The following TXNL4A variants were observed in gnomAD, a reference collection of about 807,000 sequenced individuals.
The protein encoded by TXNL4A is thioredoxin like 4A.
In TXNL4A, 17 loss-of-function variants were observed where a neutral mutation model predicts 14.6. The ratio of observed to expected loss-of-function variants is 1.16; its 90% CI spans 0.80 to 1.74. The LOEUF (loss-of-function observed/expected upper bound fraction) is 1.74, where lower values mean the gene tolerates loss of function less well. Ranked by LOEUF, TXNL4A falls within the 40% of genes most tolerant of loss-of-function variation. The pLI is 0.00. For missense variants in TXNL4A, 74 were observed against 195.2 expected, an observed-to-expected ratio of 0.38 and a Z score of 3.70; for synonymous variants, 83 against 70.6, an observed-to-expected ratio of 1.18 and a Z score of -0.88.
chr18:80,033,292 C>T (rs2051937540), intron 1 of TXNL4A, among the ~76,000 whole-genome samples: 1 of 64,068 alleles, frequency 1.6e-5, no homozygotes, highest in East Asian at 1.1e-3. Flanking sequence ...TCCACACGCG[C>T]CCACACACAC....
intron 1 of TXNL4A, among the ~76,000 whole-genome samples, chr18:80,033,383 G>C (rs928935349): frequency 2.0e-5 from 3 of 152,104 alleles, no homozygotes; most frequent in African/African-American, 7.2e-5. Context: ...CTGCGGTCGC[G>C]CTCACTTCTC....
intron 1 of TXNL4A, among the ~76,000 whole-genome samples, chr18:80,026,251 G>C (rs1032106086): frequency 6.6e-6 from 1 of 152,192 alleles, no homozygotes; most frequent in Non-Finnish European, 1.5e-5. Flanking sequence ...CTGGAGTTAT[G>C]CATGTACAGC....
chr18:80,018,930 G>A (rs941985600), intron 1 of TXNL4A, among the ~76,000 whole-genome samples: 1 of 152,194 alleles, frequency 6.6e-6, no homozygotes, highest in Non-Finnish European at 1.5e-5. Flanking sequence ...CTTTGCTCCA[G>A]TTCCCAACAA....
At chr18:79,975,408 C>T (rs1176222668) in intron 2 of TXNL4A, among the ~76,000 whole-genome samples, 1 of 152,228 alleles carries the variant, frequency 6.6e-6, no homozygotes. Context: ...TTTCTGAGTA[C>T]AGCATCAGTC....
At chr18:79,994,845 CT>C in intron 1 of TXNL4A, 1 of 152,422 alleles carries the variant, frequency 6.6e-6, no homozygotes, top group Non-Finnish European at 1.5e-5. Context: ...CTCTCCCGTC[CT>C]TTTCCTTCAG....
At position 79,973,718 on chromosome 18, in the gene TXNL4A, G is replaced by A. The variant is rs1441502790; in HGVS notation, c.396C>T (p.Ser132=). The A allele has an allele frequency of 6.2e-7, 1 of 1,614,020 alleles. No individual in the cohort carries two copies. Among genetic ancestry groups the A allele is most frequent in the Non-Finnish European group, 8.5e-7 (1 of 1,180,036 alleles). ...GGTACTTGGTGGAGTAGTCCTTGGG[G>A]GACACCACCAGGCCGCGGCCTTTGC... The part of the protein sequence containing the change: ...GARKGRGLVV[S]PKDYSTKYRY The change falls in exon 3 of 3, where the codon TCC becomes TCT. Residue 132 remains serine (S), a synonymous_variant. Coordinates refer to ENST00000269601, the MANE Select transcript of TXNL4A (RefSeq NM_006701.5).
intron 1 of TXNL4A, 67 bp downstream of exon 1, chr18:79,988,173 G>C (rs535257779): frequency 6.6e-6 from 9 of 1,363,388 alleles, no homozygotes; most frequent in East Asian, 5.7e-5. Flanking sequence ...AGGCGACGCC[G>C]GCAGGGCAGA....
intron 1 of TXNL4A, among the ~76,000 whole-genome samples, chr18:79,996,125 A>AAAC (rs2051660744): frequency 6.6e-6 from 1 of 150,794 alleles, no homozygotes; most frequent in Admixed American, 6.6e-5. Context: ...AAAAAAAAAA[A>AAAC]AACGGCCAGG....
intron 1 of TXNL4A, among the ~76,000 whole-genome samples, chr18:80,008,232 T>C (rs2051745707): frequency 6.6e-6 from 1 of 152,210 alleles, no homozygotes; most frequent in African/African-American, 2.4e-5. Context: ...ATCCAAATTG[T>C]TTTTCAGATG....
chr18:79,986,438 A>G (rs2051549315), intron 1 of TXNL4A, among the ~76,000 whole-genome samples: 1 of 125,628 alleles, frequency 8.0e-6, no homozygotes, highest in African/African-American at 2.5e-5. Flanking sequence ...CTATTTTAAA[A>G]GACCAAAAAA....
chr18:79,972,675 G>T lies in TXNL4A; in HGVS notation c.*1010C>A, dbSNP rs1226846905. On this transcript the variant is annotated 3_prime_UTR_variant, in exon 3 of 3. Coordinates refer to ENST00000269601, the MANE Select transcript of TXNL4A (RefSeq NM_006701.5). The stretch of plus-strand genomic sequence containing the variant: ...AGACGGGATTTCACCATGTTGGCCA[G>T]GCTGGTCTCGAACACCTGACTTCGT... The T allele has an allele frequency of 6.6e-6, 1 of 152,180 alleles. No individual in the cohort carries two copies. Among genetic ancestry groups the T allele is most frequent in the Non-Finnish European group, 1.5e-5 (1 of 68,058 alleles). 9.4% of individuals were successfully genotyped at this position (152,180 alleles called of 1,614,324 possible).
chr18:79,977,078 A>G (rs1187881342), intron 2 of TXNL4A, among the ~76,000 whole-genome samples: 1 of 152,072 alleles, frequency 6.6e-6, no homozygotes, highest in Non-Finnish European at 1.5e-5. Context: ...CTCCTGCCTC[A>G]GCCTCCCAGT....
chr18:79,999,427 T>G (rs552720147), intron 1 of TXNL4A, among the ~76,000 whole-genome samples: 8 of 151,510 alleles, frequency 5.3e-5, no homozygotes, highest in African/African-American at 1.9e-4. Context: ...TCCCAGCTAC[T>G]TGGGAGGTTG....
chr18:80,006,383 C>CA (rs34508020), intron 1 of TXNL4A, among the ~76,000 whole-genome samples: 1 of 149,196 alleles, frequency 6.7e-6, no homozygotes, highest in African/African-American at 2.5e-5. Flanking sequence ...GACTCTGTCT[C>CA]AAAAAAAAAA....
chr18:80,023,808 T>C (rs1208917440), intron 1 of TXNL4A, among the ~76,000 whole-genome samples: 1 of 152,212 alleles, frequency 6.6e-6, no homozygotes, highest in Non-Finnish European at 1.5e-5. Flanking sequence ...CTGACTAACT[T>C]TACCCAGCAA....
intron 1 of TXNL4A, among the ~76,000 whole-genome samples, chr18:79,983,741 G>C (rs1268266409): frequency 6.6e-6 from 1 of 152,234 alleles, no homozygotes; most frequent in East Asian, 1.9e-4. Context: ...TAATGTGAGA[G>C]AAGTAATCAC....
At chr18:80,021,273 T>C (rs1450919860) in intron 1 of TXNL4A, among the ~76,000 whole-genome samples, 1 of 151,920 alleles carries the variant, frequency 6.6e-6, no homozygotes, top group East Asian at 1.9e-4. Flanking sequence ...ACCTCCCAGG[T>C]TCATGCCATT....
chr18:80,010,340 T>A (rs1271263308), intron 1 of TXNL4A, among the ~76,000 whole-genome samples: 1 of 151,994 alleles, frequency 6.6e-6, no homozygotes, highest in Non-Finnish European at 1.5e-5. Flanking sequence ...GTGACTCAGC[T>A]TGTCCCGGGA....
intron 1 of TXNL4A, among the ~76,000 whole-genome samples, chr18:79,979,915 A>G (rs1568364136): frequency 6.6e-6 from 1 of 152,230 alleles, no homozygotes. Context: ...AGCCACTTAC[A>G]TGTGTTATGA....
Sources: allele counts gnomAD v4.1 joint callset (sites outside exome capture counted in the v4.1 genomes callset), GRCh38; gene constraint gnomAD v4.1.1; transcripts MANE v1.5; gene names NCBI Gene and HGNC (gene_info 2026-07-23, HGNC 2026-07-21).